The following SGCD variants were observed in gnomAD, a reference collection of about 807,000 sequenced individuals.
SGCD encodes delta-sarcoglycan.
SGCD carries 18 observed loss-of-function variants against 36.6 expected under a neutral mutation model. The ratio of observed to expected loss-of-function variants is 0.49; its 90% CI spans 0.34 to 0.73. SGCD has a LOEUF of 0.73. SGCD is among the 30% of genes least tolerant of loss of function. The pLI, the probability that SGCD is intolerant of heterozygous loss-of-function variation, is 0.01. For missense variants in SGCD, 387 were observed against 346.7 expected (o/e 1.12, Z -0.92); for synonymous variants, 133 against 130.6 (o/e 1.02, Z -0.12).
chr5:156,331,199 A>G (rs1768053369), intron 2 of SGCD, among the ~76,000 whole-genome samples: 1 of 152,216 alleles, frequency 6.6e-6, no homozygotes, highest in South Asian at 2.1e-4. Flanking sequence ...AAATTTCTCT[A>G]GAAATTCCAC....
chr5:155,858,291 T>TG, the SGCD span, among the ~76,000 whole-genome samples: 805 of 152,280 alleles, frequency 5.3e-3, 13 homozygotes, highest in African/African-American at 0.018. Context: ...CAAGCTTGTT[T>TG]GGGTATGGTG....
At chr5:155,961,311 G>A (rs1757785383) in intron 1 of SGCD, among the ~76,000 whole-genome samples, 2 of 151,850 alleles carry the variant, frequency 1.3e-5, no homozygotes, top group Admixed American at 1.3e-4. Context: ...TAATTTTTGA[G>A]CAATTACATT....
chr5:156,356,402 T>C (rs901713928), intron 3 of SGCD, among the ~76,000 whole-genome samples: 1 of 152,222 alleles, frequency 6.6e-6, no homozygotes, highest in Non-Finnish European at 1.5e-5. Context: ...TACACACAGC[T>C]CTTCCCTATG....
chr5:156,766,302 T>C lies in SGCD; in HGVS notation c.*6912T>C, dbSNP rs1379060248. The C allele has an allele frequency of 6.6e-6, 1 of 152,102 alleles. No individual in the cohort carries two copies. The highest frequency in any genetic ancestry group is 6.5e-5 in the Admixed American group (1 of 15,268). The allele number at this position is 152,102 out of a possible 1,614,324, so 9.4% of individuals were successfully genotyped here. ...GGAAGCTCATTTCTATCATTGTCTC[T>C]GTTTCCCTATAAGAAAGAACTACCA... On this transcript the variant is annotated 3_prime_UTR_variant, in exon 9 of 9. Transcript: ENST00000337851.
chr5:156,489,743 T>C (rs1489967712), intron 3 of SGCD, among the ~76,000 whole-genome samples: 2 of 151,938 alleles, frequency 1.3e-5, no homozygotes, highest in African/African-American at 4.8e-5. Flanking sequence ...GGAAAGTTTA[T>C]AGCAATAAGC....
At chr5:156,625,109 A>C (rs1762392760) in intron 6 of SGCD, among the ~76,000 whole-genome samples, 1 of 152,204 alleles carries the variant, frequency 6.6e-6, no homozygotes, top group South Asian at 2.1e-4. Context: ...CAGTAATAGC[A>C]GTTAGGCCCC....
chr5:156,024,663 T>C (rs1044523559), intron 1 of SGCD, among the ~76,000 whole-genome samples: 3 of 152,194 alleles, frequency 2.0e-5, no homozygotes, highest in South Asian at 4.1e-4. Flanking sequence ...TTTTCTGTGA[T>C]ATTTATTTTT....
rs1757487296 is a variant in SGCD, at chr5:156,760,840, C to T, written c.*1450C>T. ...GCAAGGAGAAGCACATCTTATTTAT[C>T]TTGTTACCTATAGTTTACTTTGGGT... On this transcript the variant is annotated 3_prime_UTR_variant, in exon 9 of 9. Transcript: ENST00000337851. The T allele has an allele frequency of 6.6e-6, 1 of 152,626 alleles. No homozygotes were observed. Among genetic ancestry groups the T allele is most frequent in the Admixed American group, 6.5e-5 (1 of 15,278 alleles). The allele number at this position is 152,626 out of a possible 1,614,324, so 9.5% of individuals were successfully genotyped here. A position where few individuals can be genotyped will look rare whatever the true frequency, so the allele number is the denominator to read the frequency against.
chr5:156,034,820 G>A (rs967486638), intron 1 of SGCD, among the ~76,000 whole-genome samples: 2 of 152,184 alleles, frequency 1.3e-5, no homozygotes, highest in African/African-American at 4.8e-5. Context: ...AGTGCCTCAT[G>A]CATAGTAAGC....
intron 6 of SGCD, among the ~76,000 whole-genome samples, chr5:156,606,189 T>A (rs1169665051): frequency 6.6e-6 from 1 of 152,252 alleles, no homozygotes; most frequent in Non-Finnish European, 1.5e-5. Flanking sequence ...GTCTAACATT[T>A]AAGTCTTTAA....
chr5:156,728,573 C>T (rs1755899200), intron 7 of SGCD, among the ~76,000 whole-genome samples: 1 of 134,764 alleles, frequency 7.4e-6, no homozygotes, highest in Non-Finnish European at 1.6e-5. Flanking sequence ...CTGATAGAAG[C>T]TTGATTCTTT....
Position 156,158,467 on chromosome 5 carries a change from C to T in SGCD, c.-44+34448C>T, listed in dbSNP as rs183969420. Among the ~76,000 whole-genome samples the T allele has an allele frequency of 1.5e-4, 23 of 151,674 alleles. 1 individual carries two copies. The highest frequency in any genetic ancestry group is 5.4e-4 in the African/African-American group (22 of 40,988). On this transcript the variant is annotated intron_variant, in intron 3 of 9. Coordinates refer to the SGCD transcript ENST00000517913. Reference sequence around the variant, plus strand: ...GAGTGCTGTGCTCTGGGCCTTGAAACAGCTGAGGGAGTGACAGCCACTTCT... The same window carrying T: ...GAGTGCTGTGCTCTGGGCCTTGAAATAGCTGAGGGAGTGACAGCCACTTCT...
intron 3 of SGCD, among the ~76,000 whole-genome samples, chr5:156,169,387 A>G (rs1214513278): frequency 1.3e-5 from 2 of 152,218 alleles, no homozygotes; most frequent in Admixed American, 6.5e-5. Context: ...GGATAGAAAG[A>G]CAACATTTTT....
intron 7 of SGCD, among the ~76,000 whole-genome samples, chr5:156,728,723 A>G (rs1163711459): frequency 6.6e-6 from 1 of 151,954 alleles, no homozygotes; most frequent in Non-Finnish European, 1.5e-5. Flanking sequence ...TTTCAACTTC[A>G]CCGTGCACAA....
At chr5:156,755,726 C>T (rs57838784) in intron 7 of SGCD, among the ~76,000 whole-genome samples, 10,141 of 152,186 alleles carry the variant, frequency 0.067, 474 homozygotes, top group African/African-American at 0.13. Flanking sequence ...TTTTGCCACA[C>T]CCAAAGGGGT....
At position 155,952,353 on chromosome 5, in the gene SGCD, T is replaced by C. The variant is rs555115733; in HGVS notation, c.-282+81929T>C. On this transcript the variant is annotated intron_variant, in intron 1 of 9. Coordinates refer to the SGCD transcript ENST00000517913. Reference sequence around the variant, plus strand: ...GGATGTTTTCCTGCTCCTGAGGAATTTTTTTTTTAATGTGACTGAATTTGC... The same window carrying C: ...GGATGTTTTCCTGCTCCTGAGGAATCTTTTTTTTAATGTGACTGAATTTGC... 6.2e-4 allele frequency among the ~76,000 whole-genome samples: 94 copies of C among 151,416 alleles called. No homozygotes were observed. The Middle Eastern group carries it at 0.014, about 22-fold the overall frequency.
intron 4 of SGCD, among the ~76,000 whole-genome samples, chr5:156,570,339 CTAGT>C (rs1759669861): frequency 6.6e-6 from 1 of 152,176 alleles, no homozygotes; most frequent in Non-Finnish European, 1.5e-5. Flanking sequence ...TTAGTTCAAA[CTAGT>C]TAAATATGAG....
At chr5:156,692,488 T>A (rs1367787894) in intron 7 of SGCD, among the ~76,000 whole-genome samples, 2 of 152,184 alleles carry the variant, frequency 1.3e-5, no homozygotes, top group Non-Finnish European at 2.9e-5. Flanking sequence ...AACCTTTTAT[T>A]ATAGAAAATT....
chr5:155,934,274 G>A (rs1435102744), intron 1 of SGCD, among the ~76,000 whole-genome samples: 2 of 152,122 alleles, frequency 1.3e-5, no homozygotes, highest in Non-Finnish European at 2.9e-5. Flanking sequence ...AGAAGTTGAG[G>A]ATTTATTTTC....
Sources: gnomAD v4.1 joint callset for allele counts (sites outside exome capture counted in the v4.1 genomes callset) on GRCh38, gnomAD v4.1.1 for gene constraint, MANE v1.5 for transcripts, NCBI Gene and HGNC (gene_info 2026-07-23, HGNC 2026-07-21) for gene names.